Variants in MEMO1 observed in about 807,000 individuals in gnomAD.
MEMO1 encodes protein MEMO1.
MEMO1 carries 6 observed loss-of-function variants against 45.2 expected under a neutral mutation model. That is an observed-to-expected ratio of 0.13 (90% CI 0.07 to 0.26). MEMO1 has a LOEUF of 0.26. Among genes scored for constraint, MEMO1 ranks in the 10% least tolerant of loss-of-function variants. The pLI is 1.00. For synonymous variants in MEMO1, 78 were observed against 124.3 expected (o/e 0.63, Z 2.48); for missense variants, 184 against 370.5 (o/e 0.50, Z 4.13).
chr2:31,976,798 A>G (rs1572870414), intron 2 of MEMO1, among the ~76,000 whole-genome samples: 2 of 152,312 alleles, frequency 1.3e-5, no homozygotes, highest in Admixed American at 6.5e-5. Context: ...GCAAGAGTAT[A>G]TATTTTCAGA....
At chr2:31,979,338 A>G (rs140065536) in intron 2 of MEMO1, among the ~76,000 whole-genome samples, 7 of 152,344 alleles carry the variant, frequency 4.6e-5, no homozygotes, top group African/African-American at 1.7e-4. Context: ...TGATATTAAA[A>G]TATTAACAAT....
chr2:31,957,138 G>A (rs1237022654), intron 2 of MEMO1, among the ~76,000 whole-genome samples: 2 of 136,834 alleles, frequency 1.5e-5, no homozygotes, highest in African/African-American at 2.7e-5. Context: ...GCGAAACTCC[G>A]TCTCAAAAAA....
intron 6 of MEMO1, among the ~76,000 whole-genome samples, chr2:31,903,113 A>C (rs2148057413): frequency 6.6e-6 from 1 of 152,328 alleles, no homozygotes; most frequent in South Asian, 2.1e-4. Context: ...TTTATGAAAT[A>C]TACAAATACT....
chr2:32,010,815 G>A (rs572526880), intron 1 of MEMO1, 127 bp downstream of exon 1: 2 of 152,308 alleles, frequency 1.3e-5, no homozygotes, highest in East Asian at 1.9e-4. Flanking sequence ...GGACAGGCCT[G>A]ACGGCATCTG....
chr2:31,990,728 C>T (rs371899740), intron 2 of MEMO1, among the ~76,000 whole-genome samples: 15 of 152,048 alleles, frequency 9.9e-5, no homozygotes, highest in African/African-American at 3.4e-4. Flanking sequence ...ACTTTTATAG[C>T]TTCTCAGTTT....
chr2:31,961,999 C>T (rs1668058654), intron 2 of MEMO1, among the ~76,000 whole-genome samples: 2 of 151,080 alleles, frequency 1.3e-5, no homozygotes, highest in East Asian at 1.9e-4. Flanking sequence ...AGATCTGGCC[C>T]TCTGTTTCCT....
chr2:31,977,219 G>A lies in MEMO1; in HGVS notation c.61+32968C>T, dbSNP rs536958267. ...ACAAAAACCTGCATAGTTGAGAAAG[G>A]GAAAGCTAGAATAGCTGACCCCTTT... On this transcript the variant is annotated intron_variant, in intron 2 of 9. Transcript: ENST00000404530. Among the ~76,000 whole-genome samples, 31 of 152,226 alleles carry A rather than the reference G, an allele frequency of 2.0e-4. No homozygotes were observed. The South Asian group carries it at 6.0e-3, about 30-fold the overall frequency.
chr2:31,956,127 T>C (rs1667384629), intron 2 of MEMO1, among the ~76,000 whole-genome samples: 1 of 152,182 alleles, frequency 6.6e-6, no homozygotes, highest in African/African-American at 2.4e-5. Flanking sequence ...ACAGAAATGA[T>C]TATTTCCTTC....
intron 8 of MEMO1, among the ~76,000 whole-genome samples, chr2:31,872,951 G>A (rs1300520043): frequency 6.6e-6 from 1 of 152,082 alleles, no homozygotes; most frequent in Non-Finnish European, 1.5e-5. Flanking sequence ...ACAGGATACT[G>A]GCAAATACAC....
intron 7 of MEMO1, among the ~76,000 whole-genome samples, chr2:31,886,734 T>C (rs924380086): frequency 6.6e-6 from 1 of 152,210 alleles, no homozygotes; most frequent in Non-Finnish European, 1.5e-5. Context: ...ACTGGACTTT[T>C]GTACTTTTTA....
chr2:31,993,091 G>A (rs1329225745), intron 2 of MEMO1, among the ~76,000 whole-genome samples: 2 of 152,012 alleles, frequency 1.3e-5, no homozygotes, highest in African/African-American at 2.4e-5. Flanking sequence ...GAGGATCACT[G>A]GAGCCAAGGA....
In MEMO1 at chr2:31,941,123, C is replaced by A. The variant is rs115357814; in HGVS notation, c.143+2179G>T. The stretch of plus-strand genomic sequence containing the variant: ...CTTGCCATATCACTCAGAATAAAAA[C>A]CAAAGTCCTTATGACTACAAAGCCT... On this transcript the variant is annotated intron_variant, in intron 3 of 9. Coordinates refer to ENST00000404530, the MANE Select transcript of MEMO1 (RefSeq NM_001301833.4). Among the ~76,000 whole-genome samples, 1,120 of 152,250 alleles carry A rather than the reference C, an allele frequency of 7.4e-3. 18 individuals carry two copies. The highest frequency in any genetic ancestry group is 0.026 in the African/African-American group (1,084 of 41,532).
At chr2:31,921,024 A>G (rs1354305321) in intron 4 of MEMO1, 114 bp from the exon 5 acceptor site, 1 of 667,308 alleles carries the variant, frequency 1.5e-6, no homozygotes, top group African/African-American at 1.9e-5. Flanking sequence ...CTTAATTACC[A>G]ACTGTTAATG....
At chr2:31,911,620 T>G (rs546131356) in intron 6 of MEMO1, among the ~76,000 whole-genome samples, 267 of 152,256 alleles carry the variant, frequency 1.8e-3, no homozygotes, top group African/African-American at 6.2e-3. Context: ...ACCGCTTAGG[T>G]AGGAGTAGTA....
At chr2:31,943,167 A>C in intron 3 of MEMO1, 135 bp downstream of exon 3, 1 of 698,124 alleles carries the variant, frequency 1.4e-6, no homozygotes, top group South Asian at 1.6e-5. Context: ...CAGGAGGTTG[A>C]GGCAGGAGAG....
At chr2:31,942,756 A>G (rs1665760265) in intron 3 of MEMO1, among the ~76,000 whole-genome samples, 1 of 152,080 alleles carries the variant, frequency 6.6e-6, no homozygotes, top group African/African-American at 2.4e-5. Flanking sequence ...TCCTGGGCTC[A>G]AGCAATCCTC....
intron 6 of MEMO1, among the ~76,000 whole-genome samples, chr2:31,912,319 C>A (rs991638877): frequency 1.5e-4 from 23 of 151,326 alleles, no homozygotes; most frequent in African/African-American, 5.1e-4. Context: ...CTAGCCTGGG[C>A]AACAGAGCAA....
intron 8 of MEMO1, among the ~76,000 whole-genome samples, chr2:31,880,286 A>T (rs1675162223): frequency 6.6e-6 from 1 of 152,232 alleles, no homozygotes; most frequent in African/African-American, 2.4e-5. Context: ...AAGGAGAGTT[A>T]AACAACTGAA....
At chr2:31,906,246 C>A (rs951864656) in intron 6 of MEMO1, among the ~76,000 whole-genome samples, 5 of 151,060 alleles carry the variant, frequency 3.3e-5, no homozygotes, top group Admixed American at 2.6e-4. Context: ...CTGGGATTAC[C>A]GGCGTGAGCC....
Sources: allele counts gnomAD v4.1 joint callset (sites outside exome capture counted in the v4.1 genomes callset), GRCh38; gene constraint gnomAD v4.1.1; transcripts MANE v1.5; gene names NCBI Gene and HGNC (gene_info 2026-07-23, HGNC 2026-07-21).